RHOJ: variants seen among roughly 807,000 people sequenced by gnomAD.
RHOJ encodes ras homolog family member J.
RHOJ carries 11 observed loss-of-function variants against 23.4 expected under a neutral mutation model. The ratio of observed to expected loss-of-function variants is 0.47; its 90% CI spans 0.30 to 0.78. The LOEUF is 0.78. Ranked by LOEUF, RHOJ falls within the 30% of genes least tolerant of loss-of-function variation. RHOJ has a pLI of 0.08. For synonymous variants in RHOJ, 102 were observed against 102.7 expected (o/e 0.99, Z 0.04); for missense variants, 254 against 273.4 (o/e 0.93, Z 0.50).
chr14:63,284,279 C>T (rs1882007596), intron 4 of RHOJ: 1 of 984,462 alleles, frequency 1.0e-6, no homozygotes, highest in African/African-American at 1.7e-5. Context: ...AGGTATCCTG[C>T]ATGAGAACCT....
At chr14:63,230,432 T>C (rs1894669927) in intron 1 of RHOJ, among the ~76,000 whole-genome samples, 1 of 152,134 alleles carries the variant, frequency 6.6e-6, no homozygotes, top group South Asian at 2.1e-4. Context: ...GGCGTGTCTA[T>C]TCTCTATTTC....
intron 4 of RHOJ, among the ~76,000 whole-genome samples, chr14:63,285,735 A>G (rs533908089): frequency 6.6e-6 from 1 of 152,050 alleles, no homozygotes; most frequent in African/African-American, 2.4e-5. Context: ...AACTGCCCCT[A>G]TTGCTGCTAG....
At chr14:63,239,547 C>CCA (rs1431573458) in intron 1 of RHOJ, among the ~76,000 whole-genome samples, 1 of 152,230 alleles carries the variant, frequency 6.6e-6, no homozygotes. Context: ...AGACAAGAAT[C>CCA]CACATACTCA....
intron 4 of RHOJ, among the ~76,000 whole-genome samples, chr14:63,286,086 C>A (rs139720776): frequency 2.3e-4 from 35 of 152,264 alleles, no homozygotes; most frequent in African/African-American, 8.2e-4. Context: ...AAAATTGCTG[C>A]AAACACCCTG....
chr14:63,217,303 G>T (rs1440082105), intron 1 of RHOJ, among the ~76,000 whole-genome samples: 12 of 141,004 alleles, frequency 8.5e-5, no homozygotes, highest in Non-Finnish European at 1.8e-4. Context: ...TGATCTCATT[G>T]TTCAATTCCC....
chr14:63,232,902 T>C (rs753688488), intron 1 of RHOJ, among the ~76,000 whole-genome samples: 1 of 151,944 alleles, frequency 6.6e-6, no homozygotes, highest in Non-Finnish European at 1.5e-5. Flanking sequence ...CACCATGTTG[T>C]CCAGGCTGGT....
chr14:63,222,093 C>T (rs149554321), intron 1 of RHOJ, among the ~76,000 whole-genome samples: 2 of 150,710 alleles, frequency 1.3e-5, no homozygotes, highest in East Asian at 2.0e-4. Flanking sequence ...TTTGTCCTTG[C>T]GATAGTTTGC....
rs1895256630 is a variant in RHOJ, at chr14:63,260,704, T to A, written c.179-8406T>A. The stretch of plus-strand genomic sequence containing the variant: ...CATTCCCCATTATTTTTTAAAAGGT[T>A]CCATCTTAAGGCTGCTCCGTAACTG... On this transcript the variant is annotated intron_variant, in intron 1 of 4. Transcript: ENST00000316754. Among the ~76,000 whole-genome samples, 4 of 152,242 alleles carry A rather than the reference T, an allele frequency of 2.6e-5. No homozygotes were observed. The South Asian group carries it at 8.3e-4, about 32-fold the overall frequency.
At chr14:63,275,698 G>C (rs766169617) in intron 2 of RHOJ, among the ~76,000 whole-genome samples, 23 of 152,060 alleles carry the variant, frequency 1.5e-4, no homozygotes, top group Non-Finnish European at 3.1e-4. Flanking sequence ...AGATTAAAAC[G>C]CTGTCTCTTC....
At chr14:63,249,897 C>T (rs974534415) in intron 1 of RHOJ, among the ~76,000 whole-genome samples, 2 of 152,152 alleles carry the variant, frequency 1.3e-5, no homozygotes, top group Admixed American at 1.3e-4. Context: ...ACGTTAGAGA[C>T]AAAGATAATG....
intron 1 of RHOJ, among the ~76,000 whole-genome samples, chr14:63,263,608 C>CCACA (rs1405640625): frequency 6.6e-6 from 1 of 152,182 alleles, no homozygotes; most frequent in Non-Finnish European, 1.5e-5. Flanking sequence ...AGTACTGGCC[C>CCACA]CACACACAGA....
chr14:63,290,834 C>G, intron 4 of RHOJ, 44 bp from the exon 5 acceptor site: 1 of 1,563,812 alleles, frequency 6.4e-7, no homozygotes, highest in Non-Finnish European at 8.6e-7. Context: ...CTGTGCTTTT[C>G]TCTCTTTTTT....
intron 1 of RHOJ, among the ~76,000 whole-genome samples, chr14:63,260,758 T>C (rs750947644): frequency 3.9e-5 from 6 of 152,176 alleles, no homozygotes; most frequent in Non-Finnish European, 7.4e-5. Flanking sequence ...TTGTTGAGTG[T>C]GTAAATGGTT....
chr14:63,261,795 C>G (rs1054462622), intron 1 of RHOJ, among the ~76,000 whole-genome samples: 1 of 152,176 alleles, frequency 6.6e-6, no homozygotes, highest in Non-Finnish European at 1.5e-5. Context: ...GCTCTTTGAA[C>G]AAGATTTACC....
intron 2 of RHOJ, among the ~76,000 whole-genome samples, chr14:63,270,535 C>A (rs1466969020): frequency 1.3e-5 from 2 of 152,138 alleles, no homozygotes; most frequent in African/African-American, 2.4e-5. Context: ...ATCATTTGCC[C>A]CTCTGATCTA....
chr14:63,285,526 G>C (rs1213551868), intron 4 of RHOJ, among the ~76,000 whole-genome samples: 2 of 151,834 alleles, frequency 1.3e-5, no homozygotes, highest in Admixed American at 1.3e-4. Flanking sequence ...GGTCTCAAAG[G>C]GTGTTTTATT....
chr14:63,246,721 T>G (rs1894981786), intron 1 of RHOJ, among the ~76,000 whole-genome samples: 5 of 152,126 alleles, frequency 3.3e-5, no homozygotes, highest in Admixed American at 3.3e-4. Flanking sequence ...AAGGTAACAG[T>G]ATGTAGAGTA....
intron 1 of RHOJ, among the ~76,000 whole-genome samples, chr14:63,260,519 C>T (rs1323849652): frequency 6.6e-6 from 1 of 152,158 alleles, no homozygotes; most frequent in African/African-American, 2.4e-5. Context: ...AGCACAATAA[C>T]CATGATTGCT....
At chr14:63,238,759 T>C (rs1050854361) in intron 1 of RHOJ, among the ~76,000 whole-genome samples, 1 of 152,120 alleles carries the variant, frequency 6.6e-6, no homozygotes, top group Non-Finnish European at 1.5e-5. Flanking sequence ...GTAAACACAG[T>C]CAGCATGGAG....
Sources: allele counts gnomAD v4.1 joint callset (sites outside exome capture counted in the v4.1 genomes callset), GRCh38; gene constraint gnomAD v4.1.1; transcripts MANE v1.5; gene names NCBI Gene and HGNC (gene_info 2026-07-23, HGNC 2026-07-21).